RABGAP1: variants seen among roughly 807,000 people sequenced by gnomAD.
The protein encoded by RABGAP1 is rab GTPase-activating protein 1.
Under a neutral mutation model 137.6 loss-of-function variants are expected in RABGAP1, and 23 were observed. The observed-to-expected ratio is 0.17, with a 90% CI of 0.12 to 0.24. The LOEUF (loss-of-function observed/expected upper bound fraction) is 0.24, where lower values mean the gene tolerates loss of function less well. Ranked by LOEUF, RABGAP1 falls within the 10% of genes least tolerant of loss-of-function variation. The pLI is 1.00. For missense variants in RABGAP1, 906 were observed against 1,275.8 expected (o/e 0.71, Z 4.42); for synonymous variants, 451 against 450.7 (o/e 1.00, Z -0.01).
At chr9:123,089,563 C>T (rs2132211142) in intron 19 of RABGAP1, 195 bp from the exon 20 acceptor site, 3 of 536,476 alleles carry the variant, frequency 5.6e-6, no homozygotes, top group South Asian at 2.9e-5. Flanking sequence ...TCCAACAGAA[C>T]TCTAAACGCA....
At chr9:123,007,204 G>T (rs1236638924) in intron 10 of RABGAP1, among the ~76,000 whole-genome samples, 2 of 151,960 alleles carry the variant, frequency 1.3e-5, no homozygotes, top group African/African-American at 4.8e-5. Context: ...CTCCAGAGTA[G>T]CTGGGATTAC....
At chr9:123,032,280 A>G (rs1267583832) in intron 13 of RABGAP1, among the ~76,000 whole-genome samples, 1 of 152,152 alleles carries the variant, frequency 6.6e-6, no homozygotes, top group Non-Finnish European at 1.5e-5. Context: ...TGTTGTTCTC[A>G]TTTTACAGAT....
At position 123,081,515 on chromosome 9, in the gene RABGAP1, C is replaced by G. The variant is rs115761781; in HGVS notation, c.2424+4753C>G. Among the ~76,000 whole-genome samples the G allele has an allele frequency of 6.1e-3, 935 of 152,324 alleles. 6 individuals are homozygous for G. Among genetic ancestry groups the G allele is most frequent in the African/African-American group, 0.021 (888 of 41,566 alleles). On this transcript the variant is annotated intron_variant, in intron 19 of 25. Coordinates refer to ENST00000373647, the MANE Select transcript of RABGAP1 (RefSeq NM_012197.4). ...GTAGTGGCACAGTCATGGCTCACTG[C>G]AGCCTCAACCTCCCAGACTCAAACG... is the stretch of plus-strand genomic sequence containing the variant.
Position 123,104,771 on chromosome 9 carries a change from T to C in RABGAP1, c.*1558T>C, listed in dbSNP as rs961318684. 1 of 152,264 alleles carries C rather than the reference T, an allele frequency of 6.6e-6. No homozygotes were observed. The highest frequency in any genetic ancestry group is 2.4e-5 in the African/African-American group (1 of 41,472). 9.4% of individuals were successfully genotyped at this position (152,264 alleles called of 1,614,324 possible). A position where few individuals can be genotyped will look rare whatever the true frequency, so the allele number is the denominator to read the frequency against. ...TAAGGTAGTTTCAGTGTGTCAACTTTATGAATTGAAATATAAACCAGTAAA... is the reference window on the plus strand; with the variant it reads ...TAAGGTAGTTTCAGTGTGTCAACTTCATGAATTGAAATATAAACCAGTAAA... On this transcript the variant is annotated 3_prime_UTR_variant, in exon 26 of 26. Transcript: ENST00000373647.
At chr9:123,075,353 T>C (rs1226980173) in intron 17 of RABGAP1, among the ~76,000 whole-genome samples, 5 of 152,206 alleles carry the variant, frequency 3.3e-5, no homozygotes, top group African/African-American at 1.2e-4. Flanking sequence ...TTATACTCTT[T>C]GGTATCCTCT....
At chr9:122,955,641 T>C (rs1834478051) in intron 1 of RABGAP1, among the ~76,000 whole-genome samples, 1 of 152,196 alleles carries the variant, frequency 6.6e-6, no homozygotes, top group Non-Finnish European at 1.5e-5. Flanking sequence ...GTTTTTTTTT[T>C]CCTACTTTTT....
chr9:123,075,454 G>C (rs1371421488), intron 17 of RABGAP1, among the ~76,000 whole-genome samples: 1 of 152,090 alleles, frequency 6.6e-6, no homozygotes, highest in African/African-American at 2.4e-5. Flanking sequence ...TAAAGAATTT[G>C]TATCTACCAC....
At chr9:123,099,410 C>G in intron 23 of RABGAP1, 68 bp from the exon 24 acceptor site, 1 of 1,400,496 alleles carries the variant, frequency 7.1e-7, no homozygotes, top group Non-Finnish European at 1.0e-6. Context: ...ATTCCAGCTT[C>G]CACTATGGAA....
intron 2 of RABGAP1, among the ~76,000 whole-genome samples, chr9:122,965,232 C>T (rs1391964087): frequency 1.3e-5 from 2 of 152,004 alleles, no homozygotes; most frequent in Non-Finnish European, 2.9e-5. Context: ...CAAAAGACTA[C>T]AGATTACATA....
At chr9:123,089,507 G>A in intron 19 of RABGAP1, 1 of 403,276 alleles carries the variant, frequency 2.5e-6, no homozygotes, top group South Asian at 5.8e-5. Flanking sequence ...CGTCTGTAGG[G>A]TGTTCATTCT....
intron 2 of RABGAP1, among the ~76,000 whole-genome samples, chr9:122,982,524 A>G (rs1484396303): frequency 6.6e-6 from 1 of 152,194 alleles, no homozygotes; most frequent in Non-Finnish European, 1.5e-5. Context: ...TGTAATTACT[A>G]ATTGCTTCAA....
At chr9:122,980,951 C>T (rs890764520) in intron 2 of RABGAP1, among the ~76,000 whole-genome samples, 2 of 152,042 alleles carry the variant, frequency 1.3e-5, no homozygotes, top group Non-Finnish European at 2.9e-5. Flanking sequence ...ATTTTGGCAT[C>T]GTAGTTTGCG....
At position 123,035,575 on chromosome 9, in the gene RABGAP1, A is replaced by G. The variant is rs768459837; in HGVS notation, c.1794+15116A>G. The stretch of plus-strand genomic sequence containing the variant: ...TCAGACTACAGCCAACGACCCTTAC[A>G]CAGTTAGAAGCAAAGGCCCTCTTAA... On this transcript the variant is annotated intron_variant, in intron 13 of 25. Transcript: ENST00000373647. The G allele has an allele frequency of 2.5e-6, 4 of 1,608,270 alleles. No individual in the cohort carries two copies. In the East Asian group the frequency reaches 6.7e-5, roughly 27 times the overall value.
rs934132060 is a variant in RABGAP1 at position 122,993,183 on chromosome 9, G to A, written c.924-2858G>A. On this transcript the variant is annotated intron_variant, in intron 6 of 25. Transcript: ENST00000373647. ...ATTTGTGTATAACACAAGATTTACTGTGGTTTTACTTTAACATAAATATAG... is the reference window on the plus strand; with the variant it reads ...ATTTGTGTATAACACAAGATTTACTATGGTTTTACTTTAACATAAATATAG... 2.6e-5 allele frequency among the ~76,000 whole-genome samples: 4 copies of A among 152,066 alleles called. No individual in the cohort carries two copies. The East Asian group carries it at 7.7e-4, about 29-fold the overall frequency.
At chr9:122,966,477 T>C (rs780196278) in intron 2 of RABGAP1, among the ~76,000 whole-genome samples, 2 of 151,866 alleles carry the variant, frequency 1.3e-5, no homozygotes, top group Non-Finnish European at 2.9e-5. Context: ...GAGCCTACAT[T>C]GTGCCATTGC....
intron 13 of RABGAP1, among the ~76,000 whole-genome samples, chr9:123,046,668 T>C (rs1374119233): frequency 6.6e-6 from 1 of 152,234 alleles, no homozygotes; most frequent in Non-Finnish European, 1.5e-5. Flanking sequence ...TCAGTACATG[T>C]TAGCTGGTAC....
At chr9:123,016,173 G>A (rs192513234) in intron 12 of RABGAP1, among the ~76,000 whole-genome samples, 10 of 152,298 alleles carry the variant, frequency 6.6e-5, no homozygotes, top group Admixed American at 6.5e-4. Context: ...TTTGACAGCA[G>A]TGTTAAGAAG....
chr9:122,962,897 G>T (rs1341170810), intron 2 of RABGAP1, among the ~76,000 whole-genome samples: 1 of 152,122 alleles, frequency 6.6e-6, no homozygotes, highest in East Asian at 1.9e-4. Context: ...AAAATATAAT[G>T]CAAACAGCAT....
At chr9:123,000,622 C>T (rs989966777) in intron 10 of RABGAP1, among the ~76,000 whole-genome samples, 8 of 152,154 alleles carry the variant, frequency 5.3e-5, no homozygotes, top group African/African-American at 1.4e-4. Flanking sequence ...AATCACTTCT[C>T]ACCAGCTAGA....
Sources: allele counts gnomAD v4.1 joint callset (sites outside exome capture counted in the v4.1 genomes callset), GRCh38; gene constraint gnomAD v4.1.1; transcripts MANE v1.5; gene names NCBI Gene and HGNC (gene_info 2026-07-23, HGNC 2026-07-21).